Variants in KAZN observed in about 807,000 individuals in gnomAD.
KAZN encodes kazrin, periplakin interacting protein.
Under a neutral mutation model 87.4 loss-of-function variants are expected in KAZN, and 40 were observed. The ratio of observed to expected loss-of-function variants is 0.46; its 90% confidence interval spans 0.36 to 0.60. The LOEUF (loss-of-function observed/expected upper bound fraction) is 0.60, where lower values mean the gene tolerates loss of function less well. Among genes scored for constraint, KAZN ranks in the 20% least tolerant of loss-of-function variants. The pLI, the probability that KAZN is intolerant of heterozygous loss-of-function variation, is 0.00. For synonymous variants in KAZN, 466 were observed against 458.3 expected (o/e 1.02, Z -0.22); for missense variants, 898 against 1,073.9 (o/e 0.84, Z 2.29).
Position 14,444,541 on chromosome 1 carries a change from A to G in KAZN, c.250-154442A>G, listed in dbSNP as rs563998663. Among the ~76,000 whole-genome samples the G allele has an allele frequency of 1.5e-4, 23 of 152,096 alleles. No homozygotes were observed. In the South Asian group the frequency reaches 4.6e-3, roughly 30 times the overall value. ...TGGTCAGGCTGGTCTCAAAACTCCT[A>G]ACCTCAGGTGATCTGCCCTCCTTGG... is the stretch of plus-strand genomic sequence containing the variant. On this transcript the variant is annotated intron_variant, in intron 2 of 16. Transcript: ENST00000636203.
intron 1 of KAZN, among the ~76,000 whole-genome samples, chr1:14,675,694 A>G (rs535279655): frequency 6.6e-6 from 1 of 152,234 alleles, no homozygotes; most frequent in South Asian, 2.1e-4. Flanking sequence ...TAATCATTCC[A>G]TGCCTGATAC....
intron 1 of KAZN, among the ~76,000 whole-genome samples, chr1:14,908,123 C>T (rs113995955): frequency 0.011 from 1,699 of 152,348 alleles, 34 homozygotes; most frequent in African/African-American, 0.039. Context: ...GGGTCAGCGG[C>T]ACGGTGGCTC....
rs1406660652 is a variant in KAZN, at chr1:14,949,493, C to T, written c.227-11191C>T. ...CCTTGCTGCCACCAGCAGTCGGGAA[C>T]CCAGCCACTCTGGTGGCAGGCAGGT... On this transcript the variant is annotated intron_variant, in intron 1 of 14. Coordinates refer to ENST00000376030, the MANE Select transcript of KAZN (RefSeq NM_201628.3). This position sits in a 1 kb window ranked among gnomAD's most constrained non-coding sequence, Gnocchi z 4.3. Among the ~76,000 whole-genome samples, 1 of 152,180 alleles carries T rather than the reference C, an allele frequency of 6.6e-6. No homozygotes were observed. Among genetic ancestry groups the T allele is most frequent in the Admixed American group, 6.5e-5 (1 of 15,280 alleles).
chr1:14,846,191 A>G (rs1464784901), intron 1 of KAZN, among the ~76,000 whole-genome samples: 2 of 152,214 alleles, frequency 1.3e-5, no homozygotes, highest in African/African-American at 2.4e-5. Flanking sequence ...TGCATTCTAC[A>G]GTTTTTGGAG....
chr1:14,465,814 T>C (rs1296439953), intron 2 of KAZN, among the ~76,000 whole-genome samples: 1 of 152,214 alleles, frequency 6.6e-6, no homozygotes, highest in South Asian at 2.1e-4. Flanking sequence ...AAAAATGTCT[T>C]ATAATAATCC....
intron 2 of KAZN, among the ~76,000 whole-genome samples, chr1:14,201,859 G>T (rs910296444): frequency 6.6e-6 from 1 of 152,116 alleles, no homozygotes; most frequent in African/African-American, 2.4e-5. Context: ...GTAGAGACAG[G>T]GTTTCTCCAT....
At chr1:14,682,291 C>CT (rs55908428) in intron 1 of KAZN, among the ~76,000 whole-genome samples, 64,236 of 143,946 alleles carry the variant, frequency 0.45, 14,851 homozygotes, top group South Asian at 0.57. Flanking sequence ...TCAGAATTTC[C>CT]TTTTTTTTTT....
intron 1 of KAZN, among the ~76,000 whole-genome samples, chr1:14,162,587 C>T (rs1304736841): frequency 6.6e-6 from 1 of 150,870 alleles, no homozygotes; most frequent in African/African-American, 2.4e-5. Context: ...CTCTGTTGCC[C>T]AGGCTGGAGT....
chr1:14,199,750 CAT>C (rs2100400132), intron 2 of KAZN, among the ~76,000 whole-genome samples: 2 of 152,298 alleles, frequency 1.3e-5, no homozygotes, highest in East Asian at 3.9e-4. Flanking sequence ...GCAGCAAAGA[CAT>C]ATTCAGAAAT....
At chr1:14,149,654 C>T (rs1645432377) in intron 1 of KAZN, among the ~76,000 whole-genome samples, 1 of 152,164 alleles carries the variant, frequency 6.6e-6, no homozygotes, top group African/African-American at 2.4e-5. Context: ...AATCTCTGAG[C>T]TGCTGACAGC....
chr1:14,678,387 G>C (rs747392399), intron 1 of KAZN, among the ~76,000 whole-genome samples: 1 of 152,160 alleles, frequency 6.6e-6, no homozygotes, highest in Admixed American at 6.5e-5. Flanking sequence ...AGTGGTTTGC[G>C]AGGGGCTCTC....
At chr1:14,597,212 C>T (rs922940683), upstream of KAZN, among the ~76,000 whole-genome samples, 2 of 152,116 alleles carry the variant, frequency 1.3e-5, no homozygotes, top group Non-Finnish European at 2.9e-5. Flanking sequence ...GGGTTCGATC[C>T]CCGAACTGAC....
intron 1 of KAZN, among the ~76,000 whole-genome samples, chr1:14,711,280 C>T (rs992975487): frequency 1.1e-4 from 16 of 147,434 alleles, no homozygotes; most frequent in Non-Finnish European, 1.5e-4. Context: ...GCTGAGGCAG[C>T]AGGATCACTT....
In KAZN at chr1:15,114,477, C is replaced by T. The variant is rs1641769425; in HGVS notation, c.2170C>T (p.Leu724=). ...CATATTCTTCTCTTCTCAGCTGCCC[C>T]TGGGGAAGATAGGAAGGGGCTTCAG... The part of the protein sequence containing the change: ...GLKYKAGRLP[L]GKIGRGFSSK... The change falls in exon 15 of 15, where the codon CTG becomes TTG. Residue 724 remains leucine, a synonymous_variant. Transcript: ENST00000376030. 6.2e-7 allele frequency: 1 copy of T among 1,610,210 alleles called. No individual in the cohort carries two copies. The highest frequency in any genetic ancestry group is 1.3e-5 in the African/African-American group (1 of 74,978).
At chr1:14,976,624 G>A (rs1421889370) in intron 2 of KAZN, among the ~76,000 whole-genome samples, 1 of 152,196 alleles carries the variant, frequency 6.6e-6, no homozygotes, top group Non-Finnish European at 1.5e-5. Context: ...AGGCCGGGAG[G>A]GGCTTCTTGG....
At chr1:14,274,296 G>C (rs1293837334) in intron 2 of KAZN, among the ~76,000 whole-genome samples, 2 of 152,166 alleles carry the variant, frequency 1.3e-5, no homozygotes, top group African/African-American at 2.4e-5. Context: ...CATCACCATT[G>C]CCTTAATGTT....
intron 1 of KAZN, among the ~76,000 whole-genome samples, chr1:14,133,584 T>C (rs888367199): frequency 6.6e-6 from 1 of 152,068 alleles, no homozygotes; most frequent in African/African-American, 2.4e-5. Flanking sequence ...CTGAATGACC[T>C]CTGTGGAAGC....
At chr1:14,764,163 C>T (rs185925433) in intron 1 of KAZN, among the ~76,000 whole-genome samples, 32 of 152,214 alleles carry the variant, frequency 2.1e-4, no homozygotes, top group Admixed American at 3.9e-4. Flanking sequence ...TGGGAAAGAC[C>T]GGCAGGAGGG....
chr1:14,856,353 G>C lies in KAZN; in HGVS notation c.227-104331G>C, dbSNP rs1383634869. Among the ~76,000 whole-genome samples the C allele has an allele frequency of 6.6e-6, 1 of 152,184 alleles. No individual in the cohort carries two copies. Among genetic ancestry groups the C allele is most frequent in the Admixed American group, 6.5e-5 (1 of 15,282 alleles). On this transcript the variant is annotated intron_variant, in intron 1 of 14. Coordinates refer to ENST00000376030, the MANE Select transcript of KAZN (RefSeq NM_201628.3). This position sits in a 1 kb window ranked among gnomAD's most constrained non-coding sequence, Gnocchi z 5.2. ...GAGCTTGAACTGTACCAACCCTAGAGGTTTCTTTAAAGACAAGTGAAGATT... is the reference window on the plus strand; with the variant it reads ...GAGCTTGAACTGTACCAACCCTAGACGTTTCTTTAAAGACAAGTGAAGATT...
Sources: gnomAD v4.1 joint callset for allele counts (sites outside exome capture counted in the v4.1 genomes callset) on GRCh38, gnomAD v4.1.1 for gene constraint, Gnocchi (gnomAD v3.1) non-coding constraint, MANE v1.5 for transcripts, NCBI Gene and HGNC (gene_info 2026-07-23, HGNC 2026-07-21) for gene names.